The following MTO1 variants were observed in gnomAD, a reference collection of about 807,000 sequenced individuals.
MTO1 encodes 5-taurinomethyluridine-[tRNA] synthase subunit MTO1, mitochondrial.
A neutral mutation model predicts 71.6 loss-of-function variants in MTO1; 46 were observed. The observed-to-expected ratio is 0.64, with a 90% CI of 0.51 to 0.82. MTO1 has a LOEUF of 0.82. Ranked by LOEUF, MTO1 falls within the 40% of genes least tolerant of loss-of-function variation. MTO1 has a pLI of 0.00. For synonymous variants in MTO1, 297 were observed against 312.1 expected (o/e 0.95, Z 0.51); for missense variants, 773 against 867.5 (o/e 0.89, Z 1.37).
chr6:73,488,842 C>T (rs1033564010), intron 9 of MTO1, among the ~76,000 whole-genome samples: 4 of 152,098 alleles, frequency 2.6e-5, no homozygotes, highest in Admixed American at 6.6e-5. Flanking sequence ...TGCTTGAACC[C>T]GGGAGATGGA....
chr6:73,470,053 A>G (rs2150029545), intron 3 of MTO1, among the ~76,000 whole-genome samples: 1 of 152,280 alleles, frequency 6.6e-6, no homozygotes, highest in Non-Finnish European at 1.5e-5. Flanking sequence ...GAATTCTCAA[A>G]TATCAATGTC....
At chr6:73,471,976 TAAA>T (rs1159603873) in intron 3 of MTO1, among the ~76,000 whole-genome samples, 5 of 150,418 alleles carry the variant, frequency 3.3e-5, no homozygotes, top group African/African-American at 4.9e-5. Flanking sequence ...ACCTGAAGAA[TAAA>T]CCTCCATTTT....
rs887986590 is a variant in MTO1, at chr6:73,476,827, C to A, written c.826-2905C>A. On this transcript the variant is annotated intron_variant, in intron 4 of 11. Transcript: ENST00000498286. Reference sequence around the variant, plus strand: ...TTTTTGAGACGGAGCCTCACACTATCCCCCAGGCTGGAGTGCAGTGGTGCA... The same window carrying A: ...TTTTTGAGACGGAGCCTCACACTATACCCCAGGCTGGAGTGCAGTGGTGCA... 1.4e-4 allele frequency among the ~76,000 whole-genome samples: 21 copies of A among 150,194 alleles called. 1 individual carries two copies. The highest frequency in any genetic ancestry group is 5.1e-4 in the African/African-American group (21 of 40,874).
intron 3 of MTO1, among the ~76,000 whole-genome samples, chr6:73,472,146 C>T (rs144712106): frequency 2.0e-5 from 3 of 152,286 alleles, no homozygotes; most frequent in Non-Finnish European, 4.4e-5. Flanking sequence ...AGTTCATTCT[C>T]ATTGATATAT....
Position 73,479,831 on chromosome 6 carries a change from A to G in MTO1, c.925A>G (p.Thr309Ala). ...CCTTAATAGTCATGTTAAAGAAACGACAAGAGGACCTCGGTAAGGACAAAA... is the reference window on the plus strand; with the variant it reads ...CCTTAATAGTCATGTTAAAGAAACGGCAAGAGGACCTCGGTAAGGACAAAA... ...LHLNSHVKET[T>A]RGPRYCPSIE... Residue 309 changes from threonine (T) to alanine (A), a missense_variant, in exon 5 of 12, where the codon ACA (threonine) becomes GCA (alanine). Coordinates refer to ENST00000498286, the MANE Select transcript of MTO1 (RefSeq NM_012123.4). 2 of 1,612,704 alleles carry G rather than the reference A, an allele frequency of 1.2e-6. No homozygotes were observed. Among genetic ancestry groups the G allele is most frequent in the Non-Finnish European group, 1.7e-6 (2 of 1,178,766 alleles).
intron 3 of MTO1, among the ~76,000 whole-genome samples, chr6:73,469,345 T>C (rs1771081475): frequency 2.0e-5 from 3 of 151,234 alleles, no homozygotes; most frequent in Admixed American, 2.0e-4. Context: ...AGGCACTAGG[T>C]CGGGCATGGT....
chr6:73,484,848 A>T (rs948362658), intron 9 of MTO1, among the ~76,000 whole-genome samples: 1 of 152,034 alleles, frequency 6.6e-6, no homozygotes, highest in Admixed American at 6.6e-5. Flanking sequence ...TTGAGGCCAG[A>T]AGTCAAGACC....
At position 73,508,692 on chromosome 6, in the gene MTO1, C is replaced by T. The variant is rs1364594059; in HGVS notation, c.*7957C>T. ...CTAAGAAATGCATCCCTAACTTCAA[C>T]ATAAAGATAGCTATGAGAAAACATT... On this transcript the variant is annotated 3_prime_UTR_variant, in exon 12 of 12. Coordinates refer to ENST00000498286, the MANE Select transcript of MTO1 (RefSeq NM_012123.4). 1 of 152,126 alleles carries T rather than the reference C, an allele frequency of 6.6e-6. No individual in the cohort carries two copies. The highest frequency in any genetic ancestry group is 1.5e-5 in the Non-Finnish European group (1 of 68,030). The allele number at this position is 152,126 out of a possible 1,614,324, so 9.4% of individuals were successfully genotyped here. A position where few individuals can be genotyped will look rare whatever the true frequency, so the allele number is the denominator to read the frequency against.
rs1772223369 is a variant in MTO1 at position 73,503,903 on chromosome 6, A to G, written c.*3168A>G. ...AGTATTTTGTCATTTTTTAGTTTCA[A>G]CCTAGATTGGAATAGCCATGGCTTT... On this transcript the variant is annotated 3_prime_UTR_variant, in exon 12 of 12. Coordinates refer to ENST00000498286, the MANE Select transcript of MTO1 (RefSeq NM_012123.4). 1 of 152,190 alleles carries G rather than the reference A, an allele frequency of 6.6e-6. No individual in the cohort carries two copies. Among genetic ancestry groups the G allele is most frequent in the Non-Finnish European group, 1.5e-5 (1 of 68,040 alleles). 9.4% of individuals were successfully genotyped at this position (152,190 alleles called of 1,614,324 possible). A position where few individuals can be genotyped will look rare whatever the true frequency, so the allele number is the denominator to read the frequency against.
chr6:73,483,015 A>G (rs2150037912), intron 9 of MTO1, among the ~76,000 whole-genome samples: 1 of 151,276 alleles, frequency 6.6e-6, no homozygotes, highest in East Asian at 2.0e-4. Context: ...GATGGTCTCG[A>G]TCTCCTGATC....
chr6:73,491,710 C>A (rs775147849), intron 9 of MTO1, among the ~76,000 whole-genome samples: 1 of 152,162 alleles, frequency 6.6e-6, no homozygotes, highest in Non-Finnish European at 1.5e-5. Context: ...GCCATGCCAC[C>A]CTTACCAGCA....
rs1441638025 is a variant in MTO1, at chr6:73,507,917, C to G, written c.*7182C>G. 5 of 141,556 alleles carry G rather than the reference C, an allele frequency of 3.5e-5. No homozygotes were observed. The highest frequency in any genetic ancestry group is 1.3e-4 in the African/African-American group (5 of 37,648). 8.8% of individuals were successfully genotyped at this position (141,556 alleles called of 1,614,324 possible). ...GCGTGAAGCCAGGAGGCGGAGCTTG[C>G]AATGAGCCGAGATCGCGCCACTGCA... On this transcript the variant is annotated 3_prime_UTR_variant, in exon 12 of 12. Transcript: ENST00000498286.
At position 73,506,991 on chromosome 6, in the gene MTO1, G is replaced by A. The variant is rs1019027081; in HGVS notation, c.*6256G>A. ...TCTGGGATTACAGGCGTGCGCCACCGCGCTCGGTCTATATTCACCAATTTT... is the reference window on the plus strand; with the variant it reads ...TCTGGGATTACAGGCGTGCGCCACCACGCTCGGTCTATATTCACCAATTTT... On this transcript the variant is annotated 3_prime_UTR_variant, in exon 12 of 12. Transcript: ENST00000498286. 2 of 139,208 alleles carry A rather than the reference G, an allele frequency of 1.4e-5. No homozygotes were observed. The highest frequency in any genetic ancestry group is 3.1e-5 in the Non-Finnish European group (2 of 63,742). The allele number at this position is 139,208 out of a possible 1,614,324, so 8.6% of individuals were successfully genotyped here.
At chr6:73,472,717 A>AC (rs397777457) in intron 3 of MTO1, among the ~76,000 whole-genome samples, 1 of 27,904 alleles carries the variant, frequency 3.6e-5, no homozygotes, top group Non-Finnish European at 1.5e-4. Context: ...AAGTGTTCTC[A>AC]CCACACAAAA....
At chr6:73,476,817 C>G (rs1169628789) in intron 4 of MTO1, among the ~76,000 whole-genome samples, 1 of 150,798 alleles carries the variant, frequency 6.6e-6, no homozygotes, top group Non-Finnish European at 1.5e-5. Context: ...GAGACGGAGC[C>G]TCACACTATC....
At chr6:73,485,537 C>G (rs1218929950) in intron 9 of MTO1, among the ~76,000 whole-genome samples, 3 of 151,726 alleles carry the variant, frequency 2.0e-5, no homozygotes, top group Non-Finnish European at 4.4e-5. Flanking sequence ...CTCCTGGGTT[C>G]AAGTGATTCT....
chr6:73,488,754 C>CAA (rs879380192), intron 9 of MTO1, among the ~76,000 whole-genome samples: 2 of 133,480 alleles, frequency 1.5e-5, no homozygotes, highest in African/African-American at 2.7e-5. Context: ...ACCAAAAATA[C>CAA]AAAAAAAAAA....
chr6:73,474,092 G>A (rs1771239213), intron 4 of MTO1, among the ~76,000 whole-genome samples: 1 of 149,984 alleles, frequency 6.7e-6, no homozygotes, highest in African/African-American at 2.5e-5. Context: ...AGCCAAAGAA[G>A]TTATCCTTTT....
chr6:73,501,866 T>C lies in MTO1; in HGVS notation c.*1131T>C, dbSNP rs1561956659. 1.3e-5 allele frequency: 2 copies of C among 152,196 alleles called. No homozygotes were observed. The highest frequency in any genetic ancestry group is 4.8e-5 in the African/African-American group (2 of 41,448). 9.4% of individuals were successfully genotyped at this position (152,196 alleles called of 1,614,324 possible). On this transcript the variant is annotated 3_prime_UTR_variant, in exon 12 of 12. Coordinates refer to ENST00000498286, the MANE Select transcript of MTO1 (RefSeq NM_012123.4). ...CAGATGTGTATGTTAAGCCTGATTA[T>C]GGGTGTGAGGCAACCAAGTATCTTG...
Sources: gnomAD v4.1 joint callset for allele counts (sites outside exome capture counted in the v4.1 genomes callset) on GRCh38, gnomAD v4.1.1 for gene constraint, MANE v1.5 for transcripts, NCBI Gene and HGNC (gene_info 2026-07-23, HGNC 2026-07-21) for gene names.